Variants in ATP2B4 observed in about 807,000 individuals in gnomAD.
ATP2B4 encodes ATPase plasma membrane Ca2+ transporting 4.
In ATP2B4, 39 loss-of-function variants were observed where a neutral mutation model predicts 110.3. The ratio of observed to expected loss-of-function variants is 0.35; its 90% confidence interval spans 0.27 to 0.46. The LOEUF is 0.46. Ranked by LOEUF, ATP2B4 falls within the 20% of genes least tolerant of loss-of-function variation. The pLI is 1.00. For missense variants in ATP2B4, 1,135 were observed against 1,530.9 expected, an observed-to-expected ratio of 0.74 and a Z score of 4.32; for synonymous variants, 538 against 571.7, an observed-to-expected ratio of 0.94 and a Z score of 0.84.
At chr1:203,705,315 C>T (rs1411507555) in intron 8 of ATP2B4, among the ~76,000 whole-genome samples, 1 of 152,236 alleles carries the variant, frequency 6.6e-6, no homozygotes, top group Non-Finnish European at 1.5e-5. Flanking sequence ...ATTGCAGGTG[C>T]AGAATCAAAC....
chr1:203,707,438 T>C (rs1665881376), intron 9 of ATP2B4, among the ~76,000 whole-genome samples: 1 of 151,070 alleles, frequency 6.6e-6, no homozygotes, highest in Non-Finnish European at 1.5e-5. Flanking sequence ...ATGACAAAAA[T>C]GGTATCTTGG....
chr1:203,718,264 A>AATTTTATTTT (rs140862881), intron 15 of ATP2B4, among the ~76,000 whole-genome samples: 83 of 149,762 alleles, frequency 5.5e-4, no homozygotes, highest in African/African-American at 1.6e-3. Flanking sequence ...ATAACTTTCT[A>AATTTTATTTT]ATTTTATTTT....
chr1:203,675,599 AG>A (rs1207156127), intron 1 of ATP2B4, among the ~76,000 whole-genome samples: 2 of 152,150 alleles, frequency 1.3e-5, no homozygotes, highest in African/African-American at 4.8e-5. Context: ...CCTGAGACCC[AG>A]GGGCTACGAG....
chr1:203,724,867 G>C (rs73064462), intron 19 of ATP2B4, among the ~76,000 whole-genome samples: 6,182 of 78,068 alleles, frequency 0.079, 761 homozygotes, highest in African/African-American at 0.18. Flanking sequence ...CCAGCTCTCT[G>C]TTTTTTTTTT....
chr1:203,721,426 G>A lies in ATP2B4; in HGVS notation c.2812+16G>A. The A allele has an allele frequency of 1.9e-6, 3 of 1,612,444 alleles. No homozygotes were observed. The highest frequency in any genetic ancestry group is 2.2e-5 in the East Asian group (1 of 44,848). On this transcript the variant is annotated intron_variant, in intron 17 of 20. Coordinates refer to ENST00000357681, the MANE Select transcript of ATP2B4 (RefSeq NM_001684.5). ...GTCTTTGCGGGTGAGCCACTTTGGG[G>A]GTGGGTAGCAGCTGGGGTCCTGGTT...
intron 15 of ATP2B4, among the ~76,000 whole-genome samples, chr1:203,716,638 C>T (rs1407225134): frequency 6.9e-6 from 1 of 145,194 alleles, no homozygotes; most frequent in Non-Finnish European, 1.5e-5. Flanking sequence ...GCTGTGTTAA[C>T]TCTCTTTTGC....
At chr1:203,676,769 A>C in intron 1 of ATP2B4, among the ~76,000 whole-genome samples, 1 of 147,356 alleles carries the variant, frequency 6.8e-6, no homozygotes, top group Admixed American at 6.7e-5. Context: ...ATATGCTTGG[A>C]CTCACAGCAA....
At chr1:203,718,543 G>T (rs56974367) in intron 15 of ATP2B4, among the ~76,000 whole-genome samples, 202 of 151,852 alleles carry the variant, frequency 1.3e-3, no homozygotes, top group African/African-American at 4.7e-3. Flanking sequence ...CAAGTGATCT[G>T]CCCACCTTGG....
At chr1:203,634,800 AC>A (rs1663388420) in intron 1 of ATP2B4, among the ~76,000 whole-genome samples, 1 of 151,728 alleles carries the variant, frequency 6.6e-6, no homozygotes, top group Admixed American at 6.6e-5. Context: ...AGTACCTAGG[AC>A]TACAGGCGCA....
At chr1:203,692,153 T>C (rs1378452053) in intron 2 of ATP2B4, among the ~76,000 whole-genome samples, 1 of 151,834 alleles carries the variant, frequency 6.6e-6, no homozygotes. Flanking sequence ...GTGCTGGGAT[T>C]GCAGGCGTGA....
At chr1:203,662,029 T>C (rs1484231814) in intron 1 of ATP2B4, among the ~76,000 whole-genome samples, 1 of 151,590 alleles carries the variant, frequency 6.6e-6, no homozygotes, top group African/African-American at 2.4e-5. Flanking sequence ...TTTGCCATCT[T>C]CACCTTTTTT....
chr1:203,723,818 C>A (rs2102219564), intron 18 of ATP2B4, 63 bp from the exon 19 acceptor site: 2 of 1,381,494 alleles, frequency 1.4e-6, no homozygotes, highest in Non-Finnish European at 2.0e-6. Context: ...GGGGCCTTGG[C>A]TGGAGGGCCA....
At chr1:203,704,467 C>CTTTTTTTTTTTTTTTT (rs35019828) in intron 8 of ATP2B4, among the ~76,000 whole-genome samples, 1 of 68,794 alleles carries the variant, frequency 1.5e-5, no homozygotes, top group Admixed American at 1.6e-4. Flanking sequence ...AAGGAACAGT[C>CTTTTTTTTTTTTTTTT]TTTTTTTTTT....
intron 14 of ATP2B4, 65 bp downstream of exon 14, chr1:203,713,317 G>A (rs1666065446): frequency 6.3e-7 from 1 of 1,588,024 alleles, no homozygotes; most frequent in Non-Finnish European, 8.6e-7. Flanking sequence ...GGACAGATAA[G>A]AACCACCAGC....
intron 1 of ATP2B4, among the ~76,000 whole-genome samples, chr1:203,673,960 C>T (rs1394776705): frequency 6.6e-6 from 1 of 152,182 alleles, no homozygotes; most frequent in East Asian, 1.9e-4. Flanking sequence ...AGGATCCGAT[C>T]CAGCTGCTAA....
chr1:203,712,163 A>AGGG, intron 13 of ATP2B4, 24 bp downstream of exon 13: 1 of 1,610,448 alleles, frequency 6.2e-7, no homozygotes, highest in Non-Finnish European at 8.5e-7. Context: ...AGGGGGAACC[A>AGGG]GGACCTCACC....
chr1:203,662,919 A>T (rs531175745), intron 1 of ATP2B4, among the ~76,000 whole-genome samples: 4 of 152,258 alleles, frequency 2.6e-5, no homozygotes, highest in African/African-American at 9.6e-5. Context: ...ACAAATACTT[A>T]ATGCGCATGA....
chr1:203,709,559 A>T lies in ATP2B4; in HGVS notation c.1799+17A>T. 1 of 1,613,158 alleles carries T rather than the reference A, an allele frequency of 6.2e-7. No individual in the cohort carries two copies. The highest frequency in any genetic ancestry group is 8.5e-7 in the Non-Finnish European group (1 of 1,179,532). On this transcript the variant is annotated intron_variant, in intron 11 of 20. Transcript: ENST00000357681. ...CTTGCGCAAGTGAGCACCCCCGACC[A>T]CTCTGCTTCCCTTCAAGATCCTCTC... is the stretch of plus-strand genomic sequence containing the variant.
chr1:203,684,957 G>A (rs10900586), intron 2 of ATP2B4, among the ~76,000 whole-genome samples: 126,279 of 151,768 alleles, frequency 0.83, 53,355 homozygotes, highest in East Asian at 1. Context: ...TCCACCTCCT[G>A]GATTCAAGCA....
Sources: gnomAD v4.1 joint callset for allele counts (sites outside exome capture counted in the v4.1 genomes callset) on GRCh38, gnomAD v4.1.1 for gene constraint, MANE v1.5 for transcripts, NCBI Gene and HGNC (gene_info 2026-07-23, HGNC 2026-07-21) for gene names.